Variants in MCC observed in about 807,000 individuals in gnomAD.
The protein encoded by MCC is MCC regulator of Wnt signaling pathway, also known as colorectal mutant cancer protein.
In MCC, 90 loss-of-function variants were observed where a neutral mutation model predicts 116.2. The observed-to-expected ratio is 0.77, with a 90% CI of 0.65 to 0.92. MCC has a LOEUF of 0.92. Among genes scored for constraint, MCC ranks in the 40% least tolerant of loss-of-function variants. MCC has a pLI of 0.00. For missense variants in MCC, 1,516 were observed against 1,312.2 expected (o/e 1.16, Z -2.40); for synonymous variants, 578 against 510.5 (o/e 1.13, Z -1.78).
chr5:113,420,036 A>G (rs574823630), intron 1 of MCC, among the ~76,000 whole-genome samples: 17 of 151,302 alleles, frequency 1.1e-4, no homozygotes, highest in Admixed American at 3.9e-4. Flanking sequence ...AAAATAAAAT[A>G]AAAATAAAAA....
At chr5:113,350,771 T>A (rs569794855) in intron 2 of MCC, among the ~76,000 whole-genome samples, 166 of 152,176 alleles carry the variant, frequency 1.1e-3, no homozygotes, top group South Asian at 3.1e-3. Context: ...AGAAAATATT[T>A]GCAAACTACC....
intron 3 of MCC, among the ~76,000 whole-genome samples, chr5:113,259,900 A>G (rs765407139): frequency 6.6e-6 from 1 of 152,202 alleles, no homozygotes; most frequent in South Asian, 2.1e-4. Context: ...ACAGAATGCA[A>G]TATTTTTCTC....
chr5:113,074,288 G>A (rs911514466), intron 11 of MCC, among the ~76,000 whole-genome samples: 1 of 152,218 alleles, frequency 6.6e-6, no homozygotes, highest in Non-Finnish European at 1.5e-5. Flanking sequence ...TGGACCTCCA[G>A]CAAACTCCAA....
chr5:113,040,543 G>A (rs1751633201), intron 17 of MCC, among the ~76,000 whole-genome samples: 1 of 152,090 alleles, frequency 6.6e-6, no homozygotes. Context: ...AAGCTCGGCT[G>A]TGATTTAATA....
chr5:113,451,618 C>A (rs1408255942), intron 1 of MCC, among the ~76,000 whole-genome samples: 1 of 152,160 alleles, frequency 6.6e-6, no homozygotes, highest in African/African-American at 2.4e-5. Context: ...CCTGTAATCC[C>A]AGATACTCAG....
intron 3 of MCC, among the ~76,000 whole-genome samples, chr5:113,154,946 T>C (rs539142239): frequency 7.9e-5 from 12 of 152,292 alleles, no homozygotes; most frequent in African/African-American, 2.4e-4. Flanking sequence ...TTGCCAGCTA[T>C]AGTAACCCTA....
At chr5:113,028,548 G>T (rs1003556315) in intron 18 of MCC, among the ~76,000 whole-genome samples, 1 of 152,182 alleles carries the variant, frequency 6.6e-6, no homozygotes, top group African/African-American at 2.4e-5. Flanking sequence ...AGTATTTCCT[G>T]AAGTATTCCA....
intron 8 of MCC, among the ~76,000 whole-genome samples, chr5:113,099,668 C>G (rs897871215): frequency 2.0e-5 from 3 of 152,186 alleles, no homozygotes; most frequent in African/African-American, 7.2e-5. Context: ...TGTGCATGAC[C>G]CAGGCAATCT....
intron 1 of MCC, among the ~76,000 whole-genome samples, chr5:113,484,089 T>C (rs1772451088): frequency 6.6e-6 from 1 of 152,004 alleles, no homozygotes; most frequent in Non-Finnish European, 1.5e-5. Flanking sequence ...AAATAACTAA[T>C]GGGTACTAGG....
intron 1 of MCC, among the ~76,000 whole-genome samples, chr5:113,427,944 C>A (rs1561565439): frequency 6.6e-6 from 1 of 152,092 alleles, no homozygotes; most frequent in Non-Finnish European, 1.5e-5. Flanking sequence ...GTTATAGAAA[C>A]CACACATACC....
intron 1 of MCC, among the ~76,000 whole-genome samples, chr5:113,471,980 T>C (rs1455227634): frequency 6.6e-6 from 1 of 152,028 alleles, no homozygotes; most frequent in African/African-American, 2.4e-5. Flanking sequence ...GGATATAATC[T>C]CCTGGTGTGC....
At chr5:113,143,147 G>A in intron 5 of MCC, 71 bp downstream of exon 5, 1 of 1,478,780 alleles carries the variant, frequency 6.8e-7, no homozygotes, top group Non-Finnish European at 9.0e-7. Flanking sequence ...TAAAATAGTT[G>A]GGGCTACTTC....
chr5:113,379,636 T>C (rs150049536), intron 2 of MCC, among the ~76,000 whole-genome samples: 1 of 152,322 alleles, frequency 6.6e-6, no homozygotes, highest in Non-Finnish European at 1.5e-5. Context: ...TTAAAACATT[T>C]GTATTATTGC....
At chr5:113,304,992 C>T (rs1466828506) in intron 3 of MCC, among the ~76,000 whole-genome samples, 3 of 150,238 alleles carry the variant, frequency 2.0e-5, no homozygotes, top group Non-Finnish European at 4.4e-5. Context: ...AATGTTACGG[C>T]AGCTACCCAA....
At position 113,384,937 on chromosome 5, in the gene MCC, T is replaced by C. The variant is rs745770123; in HGVS notation, c.415+31A>G. Reference sequence around the variant, plus strand: ...GAGATCACAGGCAAGGCCAGTGGAGTGCCATAAAACTGCCACCTGGTTATA... The same window carrying C: ...GAGATCACAGGCAAGGCCAGTGGAGCGCCATAAAACTGCCACCTGGTTATA... On this transcript the variant is annotated intron_variant, in intron 2 of 18. Transcript: ENST00000408903. The C allele has an allele frequency of 1.9e-5, 30 of 1,611,770 alleles. 1 individual carries two copies. The Admixed American group carries it at 4.8e-4, about 26-fold the overall frequency.
At chr5:113,189,004 G>T (rs1479030185) in intron 3 of MCC, among the ~76,000 whole-genome samples, 1 of 152,178 alleles carries the variant, frequency 6.6e-6, no homozygotes, top group African/African-American at 2.4e-5. Context: ...AGCTGACCTT[G>T]GTGCAGCAAG....
At chr5:113,313,806 T>C (rs572305355) in intron 3 of MCC, among the ~76,000 whole-genome samples, 13 of 149,312 alleles carry the variant, frequency 8.7e-5, no homozygotes, top group Non-Finnish European at 1.3e-4. Context: ...CTGTCTGTTT[T>C]TTGTTTTGTT....
chr5:113,213,689 A>G (rs1301901521), intron 3 of MCC, among the ~76,000 whole-genome samples: 1 of 152,176 alleles, frequency 6.6e-6, no homozygotes, highest in Non-Finnish European at 1.5e-5. Flanking sequence ...TGGGCACAGT[A>G]GCTCTACTTC....
At chr5:113,390,321 A>G (rs1425953697) in intron 1 of MCC, among the ~76,000 whole-genome samples, 1 of 152,196 alleles carries the variant, frequency 6.6e-6, no homozygotes, top group Non-Finnish European at 1.5e-5. Flanking sequence ...ATATTCATGC[A>G]CATATATCTT....
Sources: gnomAD v4.1 joint callset for allele counts (sites outside exome capture counted in the v4.1 genomes callset) on GRCh38, gnomAD v4.1.1 for gene constraint, MANE v1.5 for transcripts, NCBI Gene and HGNC (gene_info 2026-07-23, HGNC 2026-07-21) for gene names.